AVPR2: variants seen among roughly 807,000 people sequenced by gnomAD.
AVPR2 encodes arginine vasopressin receptor 2.
AVPR2 carries 3 observed loss-of-function variants against 12.0 expected under a neutral mutation model. The observed-to-expected ratio is 0.25, with a 90% CI of 0.11 to 0.64. The LOEUF (loss-of-function observed/expected upper bound fraction) is 0.64. Among genes scored for constraint, AVPR2 ranks in the 30% least tolerant of loss-of-function variants. The pLI is 0.84. For synonymous variants in AVPR2, 143 were observed against 147.5 expected (o/e 0.97, Z 0.22); for missense variants, 279 against 347.9 (o/e 0.80, Z 1.58).
At chrX:153,902,709 G>A (rs1557099671), upstream of AVPR2, 3 of 328,812 alleles carry the variant, frequency 9.1e-6, no homozygotes, top group East Asian at 2.9e-4. Flanking sequence ...CGCCATGCGG[G>A]CCCTTCCTCC....
upstream of AVPR2, among the ~76,000 whole-genome samples, chrX:153,903,279 G>A (rs1472671596): frequency 1.8e-5 from 2 of 113,415 alleles, no homozygotes; most frequent in Non-Finnish European, 3.7e-5. Context: ...AGGAGATGCA[G>A]CTGAAGCGTC....
At chrX:153,902,929 G>A (rs925671863), upstream of AVPR2, 20 of 262,903 alleles carry the variant, frequency 7.6e-5, no homozygotes, top group East Asian at 4.2e-4. Flanking sequence ...GGCTTTAGAC[G>A]GAGGGAACAA....
At chrX:153,904,060 G>A (rs2064947396), upstream of AVPR2, among the ~76,000 whole-genome samples, 1 of 112,428 alleles carries the variant, frequency 8.9e-6, no homozygotes, top group Non-Finnish European at 1.9e-5. Flanking sequence ...TATCATGTGA[G>A]GTTGTGTGTG....
At position 153,906,511 on chromosome X, in the gene AVPR2, C is replaced by T; in HGVS notation, c.911-12C>T. The T allele has an allele frequency of 1.7e-6, 2 of 1,208,658 alleles. No individual in the cohort carries two copies. The highest frequency in any genetic ancestry group is 2.2e-6 in the Non-Finnish European group (2 of 893,873). ...CCATCCTGAACCCAACCTAGATCCT[C>T]CACCTCCACAGGGGCGCCCTTTGTG... On this transcript the variant is annotated splice_polypyrimidine_tract_variant and intron_variant, in intron 3 of 3. Coordinates refer to ENST00000646375, the MANE Select transcript of AVPR2 (RefSeq NM_000054.7).
In AVPR2 at chrX:153,904,955, C is replaced by A; in HGVS notation, c.-172-19C>A. 1.8e-6 allele frequency: 1 copy of A among 560,505 alleles called. No individual in the cohort carries two copies. 46.2% of individuals were successfully genotyped at this position (560,505 alleles called of 1,213,427 possible). ...TGCATCCGTCTGTCTGACCATCCCT[C>A]TCAATCTTCCCTGCCCAGGACTGGC... On this transcript the variant is annotated intron_variant, in intron 1 of 3. Coordinates refer to ENST00000646375, the MANE Select transcript of AVPR2 (RefSeq NM_000054.7).
rs781979226 is a variant in AVPR2, at chrX:153,905,142, C to T, written c.-4C>T. 1.2e-4 allele frequency: 144 copies of T among 1,210,760 alleles called. No individual in the cohort carries two copies. Among genetic ancestry groups the T allele is most frequent in the Non-Finnish European group, 1.6e-4 (141 of 895,214 alleles). ...GCCCTCAGAACACCTGCCCCAGCCCCACCATGCTCATGGCGTCCACCACTT... is the reference window on the plus strand; with the variant it reads ...GCCCTCAGAACACCTGCCCCAGCCCTACCATGCTCATGGCGTCCACCACTT... On this transcript the variant is annotated 5_prime_UTR_variant, in exon 2 of 4. Coordinates refer to ENST00000646375, the MANE Select transcript of AVPR2 (RefSeq NM_000054.7).
chrX:153,906,282 G>C lies in AVPR2; in HGVS notation c.776G>C (p.Gly259Ala). 4 of 1,212,315 alleles carry C rather than the reference G, an allele frequency of 3.3e-6. No homozygotes were observed. Among genetic ancestry groups the C allele is most frequent in the Non-Finnish European group, 4.5e-6 (4 of 895,568 alleles). The change falls in exon 3 of 4, where the codon GGA (glycine) becomes GCA (alanine). Residue 259 changes from glycine (G) to alanine (A), a missense_variant. Transcript: ENST00000646375. ...CGCCGGACAGGCAGCCCCGGTGAGG[G>C]AGCCCACGTGTCAGCAGCTGTGGCC... Reference protein sequence around the residue: ...RGRRTGSPGEGAHVSAAVAKT... With the variant: ...RGRRTGSPGEAAHVSAAVAKT...
Position 153,906,877 on chromosome X carries a change from G to A in AVPR2, c.*149G>A. On this transcript the variant is annotated 3_prime_UTR_variant, in exon 4 of 4. Coordinates refer to ENST00000646375, the MANE Select transcript of AVPR2 (RefSeq NM_000054.7). ...TGGGACACTGTGTGGCCCTGGACAA[G>A]CCACAGCCCCTGCCTGGGTCTCCAC... 3.2e-6 allele frequency: 2 copies of A among 632,012 alleles called. No homozygotes were observed. The highest frequency in any genetic ancestry group is 2.2e-5 in the African/African-American group (1 of 45,898). The allele number at this position is 632,012 out of a possible 1,213,427, so 52.1% of individuals were successfully genotyped here.
intron 2 of AVPR2, 39 bp downstream of exon 2, chrX:153,905,209 G>A: frequency 9.1e-6 from 11 of 1,208,401 alleles, no homozygotes; most frequent in African/African-American, 1.7e-5. Flanking sequence ...GGGCAGAGTG[G>A]GTTTGACGAT....
chrX:153,905,044 G>A lies in AVPR2; in HGVS notation c.-102G>A, dbSNP rs1220757290. ...TCTGCCATGCTGGCATCTCTATAAGGGCTCCAGTCCAGAGACCCTGGGCCA... is the reference window on the plus strand; with the variant it reads ...TCTGCCATGCTGGCATCTCTATAAGAGCTCCAGTCCAGAGACCCTGGGCCA... On this transcript the variant is annotated 5_prime_UTR_variant, in exon 2 of 4. Transcript: ENST00000646375. 1.4e-5 allele frequency: 16 copies of A among 1,122,111 alleles called. No homozygotes were observed. The highest frequency in any genetic ancestry group is 2.2e-5 in the Admixed American group (1 of 45,877). The allele number at this position is 1,122,111 out of a possible 1,213,427, so 92.5% of individuals were successfully genotyped here. A position where few individuals can be genotyped will look rare whatever the true frequency, so the allele number is the denominator to read the frequency against.
chrX:153,904,824 T>C (rs1016094702), intron 1 of AVPR2, 53 bp downstream of exon 1: 2 of 397,165 alleles, frequency 5.0e-6, no homozygotes, highest in Non-Finnish European at 9.0e-6. Flanking sequence ...CCTCGGATGG[T>C]GGCCTCTCTC....
intron 2 of AVPR2, 97 bp from the exon 3 acceptor site, chrX:153,905,435 C>T: frequency 1.0e-6 from 1 of 959,346 alleles, no homozygotes; most frequent in Non-Finnish European, 1.5e-6. Flanking sequence ...TGCTAGGAGC[C>T]AGGAAGTGGG....
At position 153,906,754 on chromosome X, in the gene AVPR2, G is replaced by C; in HGVS notation, c.*26G>C. On this transcript the variant is annotated 3_prime_UTR_variant, in exon 4 of 4. Coordinates refer to ENST00000646375, the MANE Select transcript of AVPR2 (RefSeq NM_000054.7). ...GGAGCTGTTGGGTGTCTTGCCTCTAGAGGCTTTGAGAAGCTCAGCTGCCTT... is the reference window on the plus strand; with the variant it reads ...GGAGCTGTTGGGTGTCTTGCCTCTACAGGCTTTGAGAAGCTCAGCTGCCTT... 8.5e-7 allele frequency: 1 copy of C among 1,181,392 alleles called. No individual in the cohort carries two copies. The highest frequency in any genetic ancestry group is 1.1e-6 in the Non-Finnish European group (1 of 871,589).
chrX:153,904,530 G>T (rs1230539874), upstream of AVPR2, among the ~76,000 whole-genome samples: 1 of 111,751 alleles, frequency 8.9e-6, no homozygotes, highest in African/African-American at 3.3e-5. Flanking sequence ...GTGAGGGTGG[G>T]CGTGGAGGCT....
rs1409412280 is a variant in AVPR2 at position 153,904,717 on chromosome X, T to A, written c.-227T>A. ...GGCAGGGCAGCCGATGGAGAGCAGA[T>A]CTGAGCACCCAGCCACCTTCACGCC... is the stretch of plus-strand genomic sequence containing the variant. On this transcript the variant is annotated 5_prime_UTR_variant, in exon 1 of 4. Transcript: ENST00000646375. 1 of 250,405 alleles carries A rather than the reference T, an allele frequency of 4.0e-6. No homozygotes were observed. The highest frequency in any genetic ancestry group is 2.8e-5 in the African/African-American group (1 of 35,420). The allele number at this position is 250,405 out of a possible 1,213,427, so 20.6% of individuals were successfully genotyped here.
upstream of AVPR2, chrX:153,902,680 C>T (rs2064939867): frequency 3.0e-6 from 1 of 328,949 alleles, no homozygotes; most frequent in Non-Finnish European, 5.9e-6. Flanking sequence ...GATCTGGCTT[C>T]TTGCATCCCA....
chrX:153,903,366 G>A (rs1557099784), upstream of AVPR2, among the ~76,000 whole-genome samples: 1 of 114,031 alleles, frequency 8.8e-6, no homozygotes, highest in Non-Finnish European at 1.9e-5. Flanking sequence ...GGGGTGTGAT[G>A]TGCACCTGTG....
At chrX:153,904,416 G>A (rs186529474), upstream of AVPR2, among the ~76,000 whole-genome samples, 43 of 112,754 alleles carry the variant, frequency 3.8e-4, no homozygotes, top group East Asian at 1.7e-3. Flanking sequence ...CAGACCCACC[G>A]CTCTCTGGCC....
upstream of AVPR2, among the ~76,000 whole-genome samples, chrX:153,903,375 T>C (rs929324987): frequency 2.6e-5 from 3 of 114,211 alleles, no homozygotes; most frequent in Non-Finnish European, 5.6e-5. Context: ...TGTGCACCTG[T>C]GTGTGCTGCG....
Sources: gnomAD v4.1 joint callset for allele counts (sites outside exome capture counted in the v4.1 genomes callset) on GRCh38, gnomAD v4.1.1 for gene constraint, MANE v1.5 for transcripts, NCBI Gene and HGNC (gene_info 2026-07-23, HGNC 2026-07-21) for gene names.